CACHD1: variants seen among roughly 807,000 people sequenced by gnomAD.
The protein encoded by CACHD1 is cache domain containing 1.
A neutral mutation model predicts 138.7 loss-of-function variants in CACHD1; 71 were observed. The observed-to-expected ratio is 0.51, with a 90% CI of 0.42 to 0.62. CACHD1 has a LOEUF of 0.62. Ranked by LOEUF, CACHD1 falls within the 20% of genes least tolerant of loss-of-function variation. The pLI is 0.00. For missense variants in CACHD1, 1,389 were observed against 1,625.3 expected (o/e 0.85, Z 2.50); for synonymous variants, 578 against 591.5 (o/e 0.98, Z 0.33).
chr1:64,518,503 A>T (rs963523868), intron 1 of CACHD1, among the ~76,000 whole-genome samples: 1 of 152,098 alleles, frequency 6.6e-6, no homozygotes, highest in African/African-American at 2.4e-5. Flanking sequence ...TTTTTAGTGC[A>T]TGTACAGGAA....
intron 8 of CACHD1, among the ~76,000 whole-genome samples, chr1:64,644,656 C>G (rs1055899292): frequency 6.6e-6 from 1 of 152,246 alleles, no homozygotes; most frequent in Non-Finnish European, 1.5e-5. Context: ...TAACCAGACA[C>G]ACATCCTCAC....
At chr1:64,620,753 A>G (rs550646548) in intron 4 of CACHD1, among the ~76,000 whole-genome samples, 63 of 152,320 alleles carry the variant, frequency 4.1e-4, no homozygotes, top group African/African-American at 1.4e-3. Flanking sequence ...ATTATCATAA[A>G]CTTACATTTG....
intron 26 of CACHD1, among the ~76,000 whole-genome samples, chr1:64,689,133 G>A (rs1463376074): frequency 7.2e-5 from 11 of 152,096 alleles, no homozygotes; most frequent in Non-Finnish European, 1.3e-4. Context: ...TCCCATCCAA[G>A]TACTAACCAG....
chr1:64,520,884 G>C (rs1367772906), intron 1 of CACHD1, among the ~76,000 whole-genome samples: 3 of 152,132 alleles, frequency 2.0e-5, no homozygotes, highest in Non-Finnish European at 4.4e-5. Flanking sequence ...AGAAAACTGA[G>C]ACATGCAGTG....
At chr1:64,512,340 G>A (rs1646426783) in intron 1 of CACHD1, among the ~76,000 whole-genome samples, 1 of 146,184 alleles carries the variant, frequency 6.8e-6, no homozygotes, top group African/African-American at 2.7e-5. Flanking sequence ...GTTGCAGTGA[G>A]CTGAGATTGC....
At chr1:64,608,031 G>A (rs957250335) in intron 4 of CACHD1, among the ~76,000 whole-genome samples, 2 of 152,156 alleles carry the variant, frequency 1.3e-5, no homozygotes, top group African/African-American at 2.4e-5. Flanking sequence ...AGAAGAGTGT[G>A]GAGAGGGCAG....
At chr1:64,608,340 CA>C (rs1647404849) in intron 4 of CACHD1, among the ~76,000 whole-genome samples, 1 of 152,178 alleles carries the variant, frequency 6.6e-6, no homozygotes, top group Non-Finnish European at 1.5e-5. Flanking sequence ...TCCTCCTGTA[CA>C]GCTCATGCCC....
intron 1 of CACHD1, among the ~76,000 whole-genome samples, chr1:64,522,590 A>G (rs1557474272): frequency 6.6e-6 from 1 of 152,136 alleles, no homozygotes; most frequent in Non-Finnish European, 1.5e-5. Flanking sequence ...TACAGGCATG[A>G]GCCCTGGTCG....
In CACHD1 at chr1:64,675,959, G is replaced by T; in HGVS notation, c.2951G>T (p.Gly984Val). 2 of 1,443,782 alleles carry T rather than the reference G, an allele frequency of 1.4e-6. No individual in the cohort carries two copies. Among genetic ancestry groups the T allele is most frequent in the Admixed American group, 2.1e-5 (1 of 47,546 alleles). The allele number at this position is 1,443,782 out of a possible 1,614,324, so 89.4% of individuals were successfully genotyped here. ...ECPLEVNECT[G>V]NLTNAENRNP... ...CCTCTAGAGGTCAATGAGTGCACTG[G>T]CAACCTCACCAATGCAGAGAACCGG... Residue 984 changes from glycine (G) to valine (V), a missense_variant, in exon 21 of 27, where the codon GGC (glycine) becomes GTC (valine). This residue lies in a region of CACHD1 where 250 missense variants were observed against 292.9 expected (regional missense o/e 0.85). Transcript: ENST00000651257.
intron 13 of CACHD1, among the ~76,000 whole-genome samples, chr1:64,659,248 G>C (rs1160275702): frequency 1.3e-5 from 2 of 152,176 alleles, no homozygotes; most frequent in African/African-American, 4.8e-5. Flanking sequence ...AGACTCTAAA[G>C]AGAGCTCAAC....
At chr1:64,670,494 C>G (rs920390248) in intron 16 of CACHD1, among the ~76,000 whole-genome samples, 17 of 152,188 alleles carry the variant, frequency 1.1e-4, no homozygotes, top group African/African-American at 3.9e-4. Context: ...TGCAAATTCT[C>G]AGCCACAAGA....
At chr1:64,589,634 G>A (rs1285117813) in intron 3 of CACHD1, among the ~76,000 whole-genome samples, 1 of 151,974 alleles carries the variant, frequency 6.6e-6, no homozygotes, top group Non-Finnish European at 1.5e-5. Context: ...AGTCTGCTAG[G>A]GAAATTTCTT....
chr1:64,685,945 T>C (rs1460416353), intron 26 of CACHD1, among the ~76,000 whole-genome samples: 1 of 152,062 alleles, frequency 6.6e-6, no homozygotes, highest in Non-Finnish European at 1.5e-5. Flanking sequence ...CCTCCCTACC[T>C]CTGTGCCCAC....
chr1:64,578,411 G>A (rs2100529117), intron 2 of CACHD1, among the ~76,000 whole-genome samples: 1 of 152,300 alleles, frequency 6.6e-6, no homozygotes, highest in East Asian at 1.9e-4. Context: ...CCTACATTTA[G>A]GAGCTTTGTT....
chr1:64,663,560 A>G, intron 13 of CACHD1, 135 bp from the exon 14 acceptor site: 3 of 1,192,346 alleles, frequency 2.5e-6, no homozygotes, highest in Non-Finnish European at 3.5e-6. Flanking sequence ...GAAAAAAAAA[A>G]AAAAAGAAAA....
chr1:64,673,600 G>A, intron 19 of CACHD1, 136 bp downstream of exon 19: 2 of 764,436 alleles, frequency 2.6e-6, no homozygotes, highest in Non-Finnish European at 4.4e-6. Flanking sequence ...GGAGGAGACA[G>A]GAGCTTAGTT....
intron 1 of CACHD1, among the ~76,000 whole-genome samples, chr1:64,507,613 G>C (rs1046178856): frequency 1.7e-4 from 26 of 152,182 alleles, no homozygotes; most frequent in African/African-American, 5.6e-4. Flanking sequence ...TCCGCAGACA[G>C]CCCAGGAGAT....
At chr1:64,602,981 C>A in intron 4 of CACHD1, 69 bp downstream of exon 4, 1 of 1,007,384 alleles carries the variant, frequency 9.9e-7, no homozygotes, top group Non-Finnish European at 1.5e-6. Context: ...AAACATATTG[C>A]TTCAATTTTT....
rs1202174945 is a variant in CACHD1, at chr1:64,470,971, C to T, written c.198+29C>T. On this transcript the variant is annotated intron_variant, in intron 1 of 26. Transcript: ENST00000651257. This position sits in a 1 kb window ranked among gnomAD's most constrained non-coding sequence, Gnocchi z 5.2. ...AGTGGCCCCCGAGCTGGCCAGACAT[C>T]CCGCCTTTCTCCTTTGCTCAAACTC... 2 of 1,562,156 alleles carry T rather than the reference C, an allele frequency of 1.3e-6. No individual in the cohort carries two copies. Among genetic ancestry groups the T allele is most frequent in the Non-Finnish European group, 1.7e-6 (2 of 1,152,116 alleles).
Sources: gnomAD v4.1 joint callset for allele counts (sites outside exome capture counted in the v4.1 genomes callset) on GRCh38, gnomAD v4.1.1 for gene constraint, gnomAD v4.1.1 regional missense constraint, Gnocchi (gnomAD v3.1) non-coding constraint, MANE v1.5 for transcripts, NCBI Gene and HGNC (gene_info 2026-07-23, HGNC 2026-07-21) for gene names.